Variants in RPL32 observed in about 807,000 individuals in gnomAD.
RPL32 encodes large ribosomal subunit protein eL32.
For synonymous variants in RPL32, 61 were observed against 62.6 expected (o/e 0.98, Z 0.12); for missense variants, 117 against 173.7 (o/e 0.67, Z 1.83).
chr3:12,838,685 C>T (rs1162152547), intron 3 of RPL32, among the ~76,000 whole-genome samples: 5 of 152,094 alleles, frequency 3.3e-5, no homozygotes, highest in African/African-American at 4.8e-5. Flanking sequence ...GAATGCACTC[C>T]CTCCTTGAAT....
At chr3:12,836,817 T>C (rs1446008772) in intron 3 of RPL32, among the ~76,000 whole-genome samples, 1 of 152,208 alleles carries the variant, frequency 6.6e-6, no homozygotes, top group Admixed American at 6.5e-5. Flanking sequence ...CCCCATTTGA[T>C]AACCAATAGG....
chr3:12,838,139 G>A (rs2062113664), intron 3 of RPL32, among the ~76,000 whole-genome samples: 1 of 152,228 alleles, frequency 6.6e-6, no homozygotes, highest in African/African-American at 2.4e-5. Flanking sequence ...AGGCATAGTA[G>A]CTCATGCCTG....
intron 2 of RPL32, 127 bp downstream of exon 2, chr3:12,840,015 T>C: frequency 2.5e-6 from 2 of 800,200 alleles, no homozygotes; most frequent in South Asian, 1.5e-5. Flanking sequence ...GGGAGACCTG[T>C]ATTTCTACAG....
chr3:12,840,730 G>A (rs1402724216), intron 1 of RPL32: 1 of 336,520 alleles, frequency 3.0e-6, no homozygotes, highest in South Asian at 2.3e-5. Flanking sequence ...GGGAGCTGCT[G>A]CGCTACCACA....
At chr3:12,839,160 A>G in intron 3 of RPL32, 189 bp downstream of exon 3, 1 of 626,850 alleles carries the variant, frequency 1.6e-6, no homozygotes, top group Non-Finnish European at 2.8e-6. Flanking sequence ...TCCTTCAGCA[A>G]AGGAAACACC....
Position 12,836,240 on chromosome 3 carries a change from T to G in RPL32, c.279-17A>C, listed in dbSNP as rs1211047514. The G allele has an allele frequency of 6.3e-7, 1 of 1,599,074 alleles. No homozygotes were observed. The highest frequency in any genetic ancestry group is 1.3e-5 in the African/African-American group (1 of 74,802). On this transcript the variant is annotated splice_polypyrimidine_tract_variant and intron_variant, in intron 3 of 3. Transcript: ENST00000429711. The stretch of plus-strand genomic sequence containing the variant: ...CAGTAAGATCTGCAAGAGAATCAAG[T>G]AGGTAAGGAGCAAGACAGCCCTCAA...
In RPL32 at chr3:12,835,964, G is replaced by C; in HGVS notation, c.*130C>G. 8.9e-7 allele frequency: 1 copy of C among 1,122,692 alleles called. No homozygotes were observed. Among genetic ancestry groups the C allele is most frequent in the Non-Finnish European group, 1.3e-6 (1 of 781,566 alleles). 69.5% of individuals were successfully genotyped at this position (1,122,692 alleles called of 1,614,324 possible). ...CCTCCAAATGGGAGATTCCAAAGGGGCTTAAGCAAAAGAACAATCTCTGTG... is the reference window on the plus strand; with the variant it reads ...CCTCCAAATGGGAGATTCCAAAGGGCCTTAAGCAAAAGAACAATCTCTGTG... On this transcript the variant is annotated 3_prime_UTR_variant, in exon 4 of 4. Transcript: ENST00000429711.
In RPL32 at chr3:12,835,995, C is replaced by A; in HGVS notation, c.*99G>T. On this transcript the variant is annotated 3_prime_UTR_variant, in exon 4 of 4. Transcript: ENST00000429711. ...GCAAAAGAACAATCTCTGTGGCAAACTAAGTTGGCCAAGAAGCTGAAGACT... is the reference window on the plus strand; with the variant it reads ...GCAAAAGAACAATCTCTGTGGCAAAATAAGTTGGCCAAGAAGCTGAAGACT... 1.4e-6 allele frequency: 2 copies of A among 1,448,012 alleles called. No homozygotes were observed. The highest frequency in any genetic ancestry group is 1.2e-5 in the South Asian group (1 of 82,470). 89.7% of individuals were successfully genotyped at this position (1,448,012 alleles called of 1,614,324 possible).
chr3:12,836,375 T>C (rs1275325780), intron 3 of RPL32, 152 bp from the exon 4 acceptor site: 2 of 864,026 alleles, frequency 2.3e-6, no homozygotes, highest in East Asian at 5.3e-5. Flanking sequence ...AAATCCTGAC[T>C]ATGGTTCCCT....
intron 3 of RPL32, among the ~76,000 whole-genome samples, chr3:12,836,810 C>T (rs939077127): frequency 6.6e-6 from 1 of 152,192 alleles, no homozygotes. Flanking sequence ...CACTGTGCCC[C>T]ATTTGATAAC....
At position 12,836,089 on chromosome 3, in the gene RPL32, G is replaced by A. The variant is rs1575787954; in HGVS notation, c.*5C>T. On this transcript the variant is annotated 3_prime_UTR_variant, in exon 4 of 4. Transcript: ENST00000429711. ...ATTTAAACAGAAAACGTGCACATGA[G>A]CTGCCTACTCATTTTCTTCACTGCG... 2 of 1,610,898 alleles carry A rather than the reference G, an allele frequency of 1.2e-6. No homozygotes were observed. Among genetic ancestry groups the A allele is most frequent in the African/African-American group, 1.3e-5 (1 of 74,910 alleles).
chr3:12,841,540 A>C lies in RPL32; in HGVS notation c.-52T>G, dbSNP rs1265499958. 3 of 152,196 alleles carry C rather than the reference A, an allele frequency of 2.0e-5. No homozygotes were observed. Among genetic ancestry groups the C allele is most frequent in the African/African-American group, 7.2e-5 (3 of 41,426 alleles). 9.4% of individuals were successfully genotyped at this position (152,196 alleles called of 1,614,324 possible). ...CTCCGTAGGCAGCGCCGAGGAAGAG[A>C]GAAGGGACGGTGGCGCGCAAGGGCT... On this transcript the variant is annotated 5_prime_UTR_variant, in exon 1 of 4. Coordinates refer to ENST00000429711, the MANE Select transcript of RPL32 (RefSeq NM_000994.4).
chr3:12,837,031 G>A (rs932433325), intron 3 of RPL32, among the ~76,000 whole-genome samples: 2 of 152,308 alleles, frequency 1.3e-5, no homozygotes, highest in Admixed American at 6.5e-5. Context: ...TGTTTTATAT[G>A]AGTCCACTCA....
Position 12,838,381 on chromosome 3 carries a change from C to A in RPL32, c.278+968G>T, listed in dbSNP as rs575017730. Among the ~76,000 whole-genome samples the A allele has an allele frequency of 2.0e-5, 3 of 152,128 alleles. No individual in the cohort carries two copies. The East Asian group carries it at 5.8e-4, about 29-fold the overall frequency. The stretch of plus-strand genomic sequence containing the variant: ...AAGTCATGCCACTGCACTCCAGCCC[C>A]GGCAAGAGAGCAAGACTTCATCTTA... On this transcript the variant is annotated intron_variant, in intron 3 of 3. Coordinates refer to ENST00000429711, the MANE Select transcript of RPL32 (RefSeq NM_000994.4).
At chr3:12,837,726 G>A (rs1000513194) in intron 3 of RPL32, among the ~76,000 whole-genome samples, 3 of 152,148 alleles carry the variant, frequency 2.0e-5, no homozygotes, top group Non-Finnish European at 2.9e-5. Context: ...CTTTGTAAAC[G>A]TAAACACAAA....
At chr3:12,836,362 C>A in intron 3 of RPL32, 139 bp from the exon 4 acceptor site, 1 of 965,002 alleles carries the variant, frequency 1.0e-6, no homozygotes, top group Non-Finnish European at 1.5e-6. Flanking sequence ...CCTACATGCC[C>A]CCAAATCCTG....
At chr3:12,841,572 T>A (rs2290311), upstream of RPL32, 39,157 of 151,988 alleles carry the variant, frequency 0.26, 7,559 homozygotes, top group African/African-American at 0.55. Context: ...GGCTGATGGG[T>A]CGTAACCCCT....
At chr3:12,841,018 G>A (rs890250701) in intron 1 of RPL32, 7 of 153,936 alleles carry the variant, frequency 4.5e-5, no homozygotes, top group East Asian at 1.9e-4. Flanking sequence ...CAGAATTTCT[G>A]CCTGCAGCTG....
intron 3 of RPL32, among the ~76,000 whole-genome samples, chr3:12,838,107 A>G (rs889933588): frequency 2.0e-5 from 3 of 152,230 alleles, no homozygotes; most frequent in Admixed American, 2.0e-4. Context: ...GAGCCTGTCT[A>G]TCTCTAAAAT....
Sources: allele counts gnomAD v4.1 joint callset (sites outside exome capture counted in the v4.1 genomes callset), GRCh38; gene constraint gnomAD v4.1.1; transcripts MANE v1.5; gene names NCBI Gene and HGNC (gene_info 2026-07-23, HGNC 2026-07-21).